The following CDC42BPA variants were observed in gnomAD, a reference collection of about 807,000 sequenced individuals.
CDC42BPA encodes the protein serine/threonine-protein kinase MRCK alpha.
CDC42BPA carries 80 observed loss-of-function variants against 223.5 expected under a neutral mutation model. That is an observed-to-expected ratio of 0.36 (90% confidence interval 0.30 to 0.43). The LOEUF is 0.43. Among genes scored for constraint, CDC42BPA ranks in the 20% least tolerant of loss-of-function variants. CDC42BPA has a pLI of 1.00. For missense variants in CDC42BPA, 1,743 were observed against 2,099.9 expected (o/e 0.83, Z 3.32); for synonymous variants, 694 against 718.6 (o/e 0.97, Z 0.55).
At chr1:227,264,589 C>A (rs535019274) in intron 1 of CDC42BPA, among the ~76,000 whole-genome samples, 14 of 152,024 alleles carry the variant, frequency 9.2e-5, no homozygotes, top group African/African-American at 3.4e-4. Context: ...ACAAGCAAGT[C>A]ACGGGATTTT....
chr1:227,282,410 T>C (rs1240694555), intron 1 of CDC42BPA, among the ~76,000 whole-genome samples: 2 of 152,158 alleles, frequency 1.3e-5, no homozygotes, highest in African/African-American at 2.4e-5. Context: ...AATGTCTGCA[T>C]AGAAAATAAA....
intron 1 of CDC42BPA, among the ~76,000 whole-genome samples, chr1:227,312,758 G>A (rs941171920): frequency 2.6e-5 from 4 of 151,654 alleles, no homozygotes; most frequent in South Asian, 2.1e-4. Context: ...GGGACCTGGC[G>A]GGAGGTGACT....
chr1:227,040,378 A>G (rs1387810924), intron 23 of CDC42BPA, 142 bp from the exon 24 acceptor site: 8 of 604,036 alleles, frequency 1.3e-5, no homozygotes, highest in African/African-American at 7.4e-5. Flanking sequence ...ACATCTTCTT[A>G]TAGTTTATGG....
chr1:227,222,549 T>C (rs955085766), intron 2 of CDC42BPA, among the ~76,000 whole-genome samples: 1 of 152,172 alleles, frequency 6.6e-6, no homozygotes, highest in Non-Finnish European at 1.5e-5. Flanking sequence ...ACCTGTTTCA[T>C]TGTAGGTCAT....
rs547469533 is a variant in CDC42BPA at position 227,017,919 on chromosome 1, C to T, written c.4616-869G>A. On this transcript the variant is annotated intron_variant, in intron 32 of 36. Coordinates refer to ENST00000366766, the MANE Select transcript of CDC42BPA (RefSeq NM_001394014.1). ...AAGGAGGAGGTGAGAAGAAGCCAAA[C>T]GAGCCTAGAAGAAAACAAAGGTGAT... is the stretch of plus-strand genomic sequence containing the variant. Among the ~76,000 whole-genome samples the T allele has an allele frequency of 1.2e-3, 189 of 152,014 alleles. 1 individual carries two copies. Among genetic ancestry groups the T allele is most frequent in the African/African-American group, 3.9e-3 (162 of 41,476 alleles).
Position 226,994,723 on chromosome 1 carries a change from AC to A in CDC42BPA, c.5133+99del. ...AGTGAATGCTGGCCCCTGACCCCGAACCCTGCTGCAGCTGAGGCCAATCCCA... is the reference window on the plus strand; with the variant it reads ...AGTGAATGCTGGCCCCTGACCCCGAACCTGCTGCAGCTGAGGCCAATCCCA... On this transcript the variant is annotated intron_variant, in intron 36 of 36. Coordinates refer to ENST00000366766, the MANE Select transcript of CDC42BPA (RefSeq NM_001394014.1). This position sits in a 1 kb window ranked among gnomAD's most constrained non-coding sequence, Gnocchi z 4.0. 2 of 1,263,030 alleles carry A rather than the reference AC, an allele frequency of 1.6e-6. No homozygotes were observed. Among genetic ancestry groups the A allele is most frequent in the Non-Finnish European group, 2.2e-6 (2 of 913,964 alleles). The allele number at this position is 1,263,030 out of a possible 1,614,324, so 78.2% of individuals were successfully genotyped here.
chr1:227,301,362 A>ATT (rs368829941), intron 1 of CDC42BPA, among the ~76,000 whole-genome samples: 12,774 of 109,916 alleles, frequency 0.12, 737 homozygotes, highest in Middle Eastern at 0.18. Context: ...GGATGTAGAC[A>ATT]TTTTTTTTTT....
At chr1:227,315,723 A>C (rs1312715315) in intron 1 of CDC42BPA, among the ~76,000 whole-genome samples, 1 of 152,162 alleles carries the variant, frequency 6.6e-6, no homozygotes, top group Non-Finnish European at 1.5e-5. Context: ...TCTCACTCTT[A>C]AGTGAGAAGT....
intron 1 of CDC42BPA, among the ~76,000 whole-genome samples, chr1:227,277,290 T>A (rs1042320594): frequency 1.3e-5 from 2 of 152,126 alleles, no homozygotes; most frequent in African/African-American, 4.8e-5. Context: ...TAATTTAAAA[T>A]CTTTCAAGAA....
At chr1:227,147,266 C>G in intron 7 of CDC42BPA, 93 bp downstream of exon 7, 3 of 819,556 alleles carry the variant, frequency 3.7e-6, no homozygotes, top group Non-Finnish European at 1.9e-6. Flanking sequence ...TGTGATTGTT[C>G]ACTGTTTTTA....
chr1:227,232,788 G>T (rs976929056), intron 2 of CDC42BPA, among the ~76,000 whole-genome samples: 8 of 152,196 alleles, frequency 5.3e-5, no homozygotes, highest in East Asian at 3.9e-4. Flanking sequence ...CGTCTCAGAG[G>T]GAAACCCGGC....
rs139479985 is a variant in CDC42BPA, at chr1:227,156,751, A to C, written c.693+3792T>G. Among the ~76,000 whole-genome samples the C allele has an allele frequency of 2.1e-3, 325 of 152,252 alleles. 3 individuals carry two copies. The highest frequency in any genetic ancestry group is 7.4e-3 in the African/African-American group (307 of 41,536). On this transcript the variant is annotated intron_variant, in intron 6 of 36. Transcript: ENST00000366766. ...AGCAATTTAGAGAGGCAAACATCAG[A>C]CTACAGGGACTCTATCTCCAACTTT...
intron 14 of CDC42BPA, among the ~76,000 whole-genome samples, chr1:227,107,174 A>G (rs768093340): frequency 3.2e-4 from 49 of 152,308 alleles, no homozygotes; most frequent in Non-Finnish European, 5.4e-4. Flanking sequence ...AAATCCCACT[A>G]TTCATAAACA....
intron 32 of CDC42BPA, among the ~76,000 whole-genome samples, chr1:227,020,041 C>T (rs111340814): frequency 5.9e-5 from 9 of 152,162 alleles, no homozygotes; most frequent in African/African-American, 1.9e-4. Context: ...GGATTACAGG[C>T]ATGTGCCACC....
chr1:227,080,822 AC>A, intron 17 of CDC42BPA, 70 bp downstream of exon 17: 1 of 1,549,848 alleles, frequency 6.5e-7, no homozygotes, highest in Admixed American at 1.7e-5. Flanking sequence ...ATTAGTAGCC[AC>A]CTGGAATTCA....
intron 1 of CDC42BPA, among the ~76,000 whole-genome samples, chr1:227,296,402 C>T (rs1572924799): frequency 6.6e-6 from 1 of 151,942 alleles, no homozygotes; most frequent in Admixed American, 6.6e-5. Flanking sequence ...AAGTGAAACA[C>T]AAAACTTTTG....
chr1:227,073,075 G>A (rs1678741932), intron 19 of CDC42BPA, among the ~76,000 whole-genome samples: 1 of 152,058 alleles, frequency 6.6e-6, no homozygotes, highest in South Asian at 2.1e-4. Context: ...GCAGTTTAAG[G>A]ACTATGACTA....
intron 14 of CDC42BPA, among the ~76,000 whole-genome samples, chr1:227,110,966 AG>A: frequency 6.6e-6 from 1 of 152,378 alleles, no homozygotes. Flanking sequence ...TTATTAAACA[AG>A]TATTCAATAT....
intron 5 of CDC42BPA, among the ~76,000 whole-genome samples, chr1:227,165,755 T>C (rs1050464347): frequency 6.6e-6 from 1 of 152,116 alleles, no homozygotes. Flanking sequence ...TCTAGAAACA[T>C]CAACATATCA....
Sources: allele counts gnomAD v4.1 joint callset (sites outside exome capture counted in the v4.1 genomes callset), GRCh38; gene constraint gnomAD v4.1.1; non-coding constraint Gnocchi (gnomAD v3.1); transcripts MANE v1.5; gene names NCBI Gene and HGNC (gene_info 2026-07-23, HGNC 2026-07-21).